Variants in IP6K1 observed in about 807,000 individuals in gnomAD.
IP6K1 encodes inositol hexakisphosphate kinase 1.
IP6K1 carries 13 observed loss-of-function variants against 38.3 expected under a neutral mutation model. The observed-to-expected ratio is 0.34, with a 90% CI of 0.22 to 0.54. The LOEUF (loss-of-function observed/expected upper bound fraction) is 0.54, where lower values mean the gene tolerates loss of function less well. IP6K1 is among the 20% of genes least tolerant of loss of function. IP6K1 has a pLI of 0.92. For synonymous variants in IP6K1, 212 were observed against 229.9 expected, an observed-to-expected ratio of 0.92 and a Z score of 0.70; for missense variants, 397 against 599.8, an observed-to-expected ratio of 0.66 and a Z score of 3.53.
intron 1 of IP6K1, among the ~76,000 whole-genome samples, chr3:49,762,868 T>C (rs2080878949): frequency 6.6e-6 from 1 of 151,694 alleles, no homozygotes. Context: ...GTCTCCCAGG[T>C]TCAAGTGATT....
At chr3:49,739,605 G>T (rs952582925) in intron 2 of IP6K1, among the ~76,000 whole-genome samples, 1 of 151,820 alleles carries the variant, frequency 6.6e-6, no homozygotes, top group Non-Finnish European at 1.5e-5. Context: ...CACCCGTCTC[G>T]GCCTCCCAAA....
At chr3:49,766,794 C>T (rs556315170) in intron 1 of IP6K1, among the ~76,000 whole-genome samples, 7 of 150,586 alleles carry the variant, frequency 4.6e-5, no homozygotes, top group South Asian at 2.1e-4. Context: ...GGCAAAACCC[C>T]GTCTCTACTA....
intron 1 of IP6K1, chr3:49,775,586 C>T (rs2081000178): frequency 2.1e-6 from 2 of 963,436 alleles, no homozygotes; most frequent in South Asian, 3.7e-5. Flanking sequence ...TCTACGAACA[C>T]AAAAAAATGC....
intron 4 of IP6K1, 68 bp from the exon 5 acceptor site, chr3:49,728,346 G>C: frequency 6.6e-7 from 1 of 1,521,184 alleles, no homozygotes; most frequent in African/African-American, 1.4e-5. Flanking sequence ...GCACAACCCA[G>C]TTTTTCTATA....
chr3:49,754,795 G>A (rs2080808425), intron 1 of IP6K1, among the ~76,000 whole-genome samples: 1 of 152,010 alleles, frequency 6.6e-6, no homozygotes, highest in Non-Finnish European at 1.5e-5. Flanking sequence ...TCTTTAGTTG[G>A]GCAGGCACAG....
intron 1 of IP6K1, among the ~76,000 whole-genome samples, chr3:49,753,994 AG>A (rs2080800676): frequency 6.6e-6 from 1 of 152,200 alleles, no homozygotes; most frequent in South Asian, 2.1e-4. Flanking sequence ...GAGGAGAATT[AG>A]ACTGTTTTTA....
At chr3:49,750,396 GGA>G (rs1198741751) in intron 1 of IP6K1, among the ~76,000 whole-genome samples, 2 of 152,164 alleles carry the variant, frequency 1.3e-5, no homozygotes, top group African/African-American at 4.8e-5. Flanking sequence ...TGGTGCAGGA[GGA>G]GAGTCAAGGA....
At chr3:49,778,929 C>T (rs1468675795) in intron 1 of IP6K1, among the ~76,000 whole-genome samples, 6 of 152,102 alleles carry the variant, frequency 3.9e-5, no homozygotes, top group African/African-American at 7.2e-5. Flanking sequence ...CCAGCCAATA[C>T]GTTTTTAATT....
intron 1 of IP6K1, among the ~76,000 whole-genome samples, chr3:49,763,182 C>A (rs559336381): frequency 6.7e-6 from 1 of 149,514 alleles, no homozygotes; most frequent in African/African-American, 2.5e-5. Flanking sequence ...CGGCTCACTG[C>A]AAGCTCCGCC....
intron 1 of IP6K1, among the ~76,000 whole-genome samples, chr3:49,754,178 G>A (rs373382848): frequency 2.0e-5 from 3 of 150,860 alleles, no homozygotes; most frequent in South Asian, 2.1e-4. Context: ...ACCAGCATAG[G>A]CAACATGGCA....
At chr3:49,765,004 A>C (rs944333208) in intron 1 of IP6K1, among the ~76,000 whole-genome samples, 5 of 152,212 alleles carry the variant, frequency 3.3e-5, no homozygotes, top group Non-Finnish European at 7.3e-5. Context: ...TGAATATTTA[A>C]AGCAGCAAGA....
intron 1 of IP6K1, among the ~76,000 whole-genome samples, chr3:49,751,554 T>C (rs1029784464): frequency 3.3e-5 from 5 of 152,086 alleles, no homozygotes; most frequent in Non-Finnish European, 5.9e-5. Context: ...CCGTAGATGA[T>C]GATGATGTTG....
At chr3:49,728,042 T>A in intron 5 of IP6K1, 61 bp downstream of exon 5, 1 of 1,530,394 alleles carries the variant, frequency 6.5e-7, no homozygotes, top group Non-Finnish European at 8.9e-7. Flanking sequence ...GGCAGGCAGG[T>A]ATGAGCACAA....
intron 1 of IP6K1, among the ~76,000 whole-genome samples, chr3:49,749,138 C>T (rs777509779): frequency 3.9e-5 from 6 of 152,148 alleles, no homozygotes; most frequent in African/African-American, 7.2e-5. Context: ...CTTGCTTGCT[C>T]GCCTACCACT....
intron 1 of IP6K1, among the ~76,000 whole-genome samples, chr3:49,760,354 T>C (rs2080857336): frequency 6.6e-6 from 1 of 152,174 alleles, no homozygotes; most frequent in South Asian, 2.1e-4. Flanking sequence ...CTGGACGCAG[T>C]GGCTCAAGCC....
chr3:49,736,620 G>T (rs541271371), intron 3 of IP6K1, among the ~76,000 whole-genome samples: 1 of 152,224 alleles, frequency 6.6e-6, no homozygotes, highest in Non-Finnish European at 1.5e-5. Flanking sequence ...TTCACCAGTT[G>T]ATGGACACTT....
intron 1 of IP6K1, among the ~76,000 whole-genome samples, chr3:49,770,322 C>G (rs2080946086): frequency 6.6e-6 from 1 of 152,174 alleles, no homozygotes; most frequent in African/African-American, 2.4e-5. Context: ...AATCAGTTAT[C>G]TATGTGGGGG....
rs186388532 is a variant in IP6K1 at position 49,785,248 on chromosome 3, T to C, written c.-129+1106A>G. Among the ~76,000 whole-genome samples the C allele has an allele frequency of 2.0e-5, 3 of 148,068 alleles. No individual in the cohort carries two copies. The East Asian group carries it at 5.9e-4, about 29-fold the overall frequency. On this transcript the variant is annotated intron_variant, in intron 1 of 5. Transcript: ENST00000321599. ...TTGCGCCGGGCATAGTGGCTCACAC[T>C]TGTAACCCCAGCACTTTGGGAGGCC...
chr3:49,760,778 C>A (rs1203920106), intron 1 of IP6K1, among the ~76,000 whole-genome samples: 1 of 152,138 alleles, frequency 6.6e-6, no homozygotes, highest in South Asian at 2.1e-4. Flanking sequence ...AATTAAACAG[C>A]CTGAACATGC....
Sources: gnomAD v4.1 joint callset for allele counts (sites outside exome capture counted in the v4.1 genomes callset) on GRCh38, gnomAD v4.1.1 for gene constraint, MANE v1.5 for transcripts, NCBI Gene and HGNC (gene_info 2026-07-23, HGNC 2026-07-21) for gene names.